SGCZ: variants seen among roughly 807,000 people sequenced by gnomAD.
The protein encoded by SGCZ is zeta-sarcoglycan.
Under a neutral mutation model 41.3 loss-of-function variants are expected in SGCZ, and 40 were observed. That is an observed-to-expected ratio of 0.97 (90% CI 0.75 to 1.26). The LOEUF (loss-of-function observed/expected upper bound fraction) is 1.26. Ranked by LOEUF, SGCZ falls within the 50% of genes most tolerant of loss-of-function variation. SGCZ has a pLI of 0.00. For synonymous variants in SGCZ, 206 were observed against 137.5 expected (o/e 1.50, Z -3.49); for missense variants, 552 against 369.8 (o/e 1.49, Z -4.04).
intron 1 of SGCZ, among the ~76,000 whole-genome samples, chr8:14,680,014 G>A (rs1298268735): frequency 6.6e-6 from 1 of 152,120 alleles, no homozygotes; most frequent in Non-Finnish European, 1.5e-5. Context: ...GATGTGTGTA[G>A]TAGGCTATAC....
intron 1 of SGCZ, among the ~76,000 whole-genome samples, chr8:15,234,281 C>T (rs1474767582): frequency 6.6e-6 from 1 of 152,174 alleles, no homozygotes; most frequent in Non-Finnish European, 1.5e-5. Context: ...CAGAGATACT[C>T]CAGGATGGAG....
chr8:15,080,933 A>G (rs560190691), intron 1 of SGCZ, among the ~76,000 whole-genome samples: 1 of 152,138 alleles, frequency 6.6e-6, no homozygotes, highest in East Asian at 1.9e-4. Flanking sequence ...TCAGACAGAC[A>G]TAATGCACAG....
intron 1 of SGCZ, among the ~76,000 whole-genome samples, chr8:15,224,674 T>C (rs957007200): frequency 6.6e-6 from 1 of 152,194 alleles, no homozygotes. Flanking sequence ...AACTATATGC[T>C]GCTTTCCAGA....
At chr8:14,903,068 G>A (rs1301412185) in intron 1 of SGCZ, among the ~76,000 whole-genome samples, 1 of 152,112 alleles carries the variant, frequency 6.6e-6, no homozygotes, top group Non-Finnish European at 1.5e-5. Context: ...CGATGCCACT[G>A]TTCTGTATCC....
chr8:14,140,650 A>C (rs1803340523), intron 5 of SGCZ, among the ~76,000 whole-genome samples: 1 of 152,158 alleles, frequency 6.6e-6, no homozygotes, highest in Non-Finnish European at 1.5e-5. Flanking sequence ...ACTACAAACC[A>C]CTGCTCAACA....
intron 1 of SGCZ, among the ~76,000 whole-genome samples, chr8:15,049,509 T>C (rs1264385701): frequency 1.3e-5 from 2 of 152,142 alleles, no homozygotes. Context: ...ATGATCTACA[T>C]TTTTAAAAGA....
chr8:14,221,890 G>C (rs1041883860), intron 4 of SGCZ, among the ~76,000 whole-genome samples: 23 of 151,832 alleles, frequency 1.5e-4, no homozygotes, highest in Non-Finnish European at 1.0e-4. Flanking sequence ...GAACCCGGGA[G>C]GTGGAGGTTG....
chr8:14,187,207 G>A (rs895532237), intron 4 of SGCZ, among the ~76,000 whole-genome samples: 5 of 152,124 alleles, frequency 3.3e-5, no homozygotes, highest in Non-Finnish European at 7.3e-5. Context: ...AAGTAAACAA[G>A]TTCTAAGAGT....
chr8:15,043,740 A>C (rs1214339262), intron 1 of SGCZ, among the ~76,000 whole-genome samples: 2 of 152,144 alleles, frequency 1.3e-5, no homozygotes, highest in African/African-American at 4.8e-5. Flanking sequence ...ATCACAAGAT[A>C]ATATTTTATA....
chr8:14,786,538 T>C (rs1286247647), intron 1 of SGCZ, among the ~76,000 whole-genome samples: 1 of 150,972 alleles, frequency 6.6e-6, no homozygotes, highest in Non-Finnish European at 1.5e-5. Context: ...TTTTCAATAC[T>C]AACCAATTAT....
intron 2 of SGCZ, among the ~76,000 whole-genome samples, chr8:14,544,908 G>A (rs1009148367): frequency 1.3e-5 from 2 of 151,922 alleles, no homozygotes; most frequent in African/African-American, 4.8e-5. Flanking sequence ...ACCCTTATTA[G>A]CGGTTCTGCT....
intron 2 of SGCZ, among the ~76,000 whole-genome samples, chr8:14,547,739 C>T (rs190043157): frequency 6.6e-6 from 1 of 152,110 alleles, no homozygotes; most frequent in African/African-American, 2.4e-5. Flanking sequence ...GTAATCAGCA[C>T]AAGGTAACCC....
At chr8:14,126,169 A>G (rs1802852906) in intron 5 of SGCZ, among the ~76,000 whole-genome samples, 1 of 152,210 alleles carries the variant, frequency 6.6e-6, no homozygotes, top group Non-Finnish European at 1.5e-5. Context: ...CAGCCAAAAG[A>G]AACCATCATC....
At chr8:15,100,514 G>A (rs1217632026) in intron 1 of SGCZ, among the ~76,000 whole-genome samples, 1 of 152,164 alleles carries the variant, frequency 6.6e-6, no homozygotes, top group African/African-American at 2.4e-5. Flanking sequence ...ATATTAAGAA[G>A]TTAGTTTTTC....
intron 1 of SGCZ, among the ~76,000 whole-genome samples, chr8:14,772,482 G>C (rs1203863197): frequency 6.6e-6 from 1 of 151,136 alleles, no homozygotes; most frequent in African/African-American, 2.4e-5. Context: ...CGATGTGCAG[G>C]TTAGTTACAT....
intron 1 of SGCZ, among the ~76,000 whole-genome samples, chr8:14,819,309 G>A (rs1011241155): frequency 1.3e-5 from 2 of 152,054 alleles, no homozygotes; most frequent in Non-Finnish European, 2.9e-5. Context: ...TGTCTGGGAA[G>A]GTCTTTACTT....
chr8:14,389,859 G>A (rs1230144485), intron 2 of SGCZ, among the ~76,000 whole-genome samples: 2 of 151,918 alleles, frequency 1.3e-5, no homozygotes, highest in Admixed American at 1.3e-4. Context: ...AAATTGATCT[G>A]CCTAAAGCCA....
chr8:15,031,935 CTCTG>C (rs1435934732), intron 1 of SGCZ, among the ~76,000 whole-genome samples: 45 of 148,122 alleles, frequency 3.0e-4, no homozygotes, highest in African/African-American at 1.2e-3. Context: ...CTCTCTCTCT[CTCTG>C]TCTGTCTGTC....
chr8:14,609,449 A>T (rs1042330930), intron 1 of SGCZ, among the ~76,000 whole-genome samples: 1 of 152,096 alleles, frequency 6.6e-6, no homozygotes, highest in South Asian at 2.1e-4. Context: ...AAGTAATATA[A>T]TTTCTTGAAA....
Sources: allele counts gnomAD v4.1 joint callset (sites outside exome capture counted in the v4.1 genomes callset), GRCh38; gene constraint gnomAD v4.1.1; transcripts MANE v1.5; gene names NCBI Gene and HGNC (gene_info 2026-07-23, HGNC 2026-07-21).